ITGB8: variants seen among roughly 807,000 people sequenced by gnomAD.
The protein encoded by ITGB8 is integrin subunit beta 8.
ITGB8 carries 30 observed loss-of-function variants against 89.5 expected under a neutral mutation model. That is an observed-to-expected ratio of 0.34 (90% CI 0.25 to 0.45). ITGB8 has a LOEUF of 0.45. ITGB8 is among the 20% of genes least tolerant of loss of function. ITGB8 has a pLI of 1.00. For synonymous variants in ITGB8, 335 were observed against 320.4 expected (o/e 1.05, Z -0.49); for missense variants, 836 against 933.3 (o/e 0.90, Z 1.36).
chr7:20,398,852 C>T lies in ITGB8; in HGVS notation c.1147-8C>T. Reference sequence around the variant, plus strand: ...CTCGTATGTAATTTAAAAATAATGTCTCTGCAGAAGCTCATTTCAGAAGTG... The same window carrying T: ...CTCGTATGTAATTTAAAAATAATGTTTCTGCAGAAGCTCATTTCAGAAGTG... On this transcript the variant is annotated splice_polypyrimidine_tract_variant and splice_region_variant and intron_variant, in intron 8 of 13. Transcript: ENST00000222573. 6.5e-7 allele frequency: 1 copy of T among 1,539,310 alleles called. No individual in the cohort carries two copies. Among genetic ancestry groups the T allele is most frequent in the Non-Finnish European group, 8.7e-7 (1 of 1,145,032 alleles).
chr7:20,353,919 G>A (rs1323341371), intron 1 of ITGB8, among the ~76,000 whole-genome samples: 18 of 96,850 alleles, frequency 1.9e-4, no homozygotes, highest in African/African-American at 4.1e-4. Context: ...GCGACAGAGC[G>A]AGACTCCGTC....
In ITGB8 at chr7:20,404,708, G is replaced by T. The variant is rs1034650512; in HGVS notation, c.1768G>T (p.Ala590Ser). ...GDRCQCPSAA[A>S]QHCVNSKGQV... ...TCGATGCCAGTGCCCTTCAGCAGCA[G>T]CCCAGCACTGTGTCAATTCAAAGGG... Residue 590 changes from alanine to serine, a missense_variant, in exon 11 of 14, where the codon GCC (alanine) becomes TCC (serine). Transcript: ENST00000222573. 2.5e-6 allele frequency: 4 copies of T among 1,614,180 alleles called. No individual in the cohort carries two copies. Among genetic ancestry groups the T allele is most frequent in the Non-Finnish European group, 3.4e-6 (4 of 1,180,032 alleles).
At chr7:20,377,479 G>A (rs191695663) in intron 3 of ITGB8, 1 of 152,306 alleles carries the variant, frequency 6.6e-6, no homozygotes, top group African/African-American at 2.4e-5. Flanking sequence ...CAGTAGTGTT[G>A]AATTTCTACT....
intron 3 of ITGB8, chr7:20,377,532 T>A (rs975858975): frequency 6.6e-6 from 1 of 152,218 alleles, no homozygotes; most frequent in Non-Finnish European, 1.5e-5. Context: ...AACATTCCCC[T>A]GAATTTAATT....
intron 1 of ITGB8, among the ~76,000 whole-genome samples, chr7:20,350,690 C>T (rs1055831197): frequency 1.3e-5 from 2 of 152,226 alleles, no homozygotes; most frequent in Non-Finnish European, 2.9e-5. Flanking sequence ...TTTATGAAGC[C>T]GAGGCCAGCG....
At chr7:20,384,513 T>C (rs1051483462) in intron 6 of ITGB8, among the ~76,000 whole-genome samples, 1 of 152,220 alleles carries the variant, frequency 6.6e-6, no homozygotes, top group Admixed American at 6.5e-5. Context: ...AATTTATCTT[T>C]ACAACAACTC....
At chr7:20,338,933 C>T (rs368347257) in intron 1 of ITGB8, among the ~76,000 whole-genome samples, 2 of 152,100 alleles carry the variant, frequency 1.3e-5, no homozygotes, top group Non-Finnish European at 2.9e-5. Flanking sequence ...GTGGCTCACA[C>T]CTGTAATCCC....
At chr7:20,390,628 G>C (rs575597370) in intron 6 of ITGB8, among the ~76,000 whole-genome samples, 1 of 152,104 alleles carries the variant, frequency 6.6e-6, no homozygotes, top group African/African-American at 2.4e-5. Flanking sequence ...GATAAGTTGA[G>C]AAATCTGTAA....
In ITGB8 at chr7:20,381,623, C is replaced by T. The variant is rs1016500531; in HGVS notation, c.802-104C>T. ...TTGTACCCACGCACATCGTTCTAGCCTGACTTACTGTTCGTCAACTCAAAC... is the reference window on the plus strand; with the variant it reads ...TTGTACCCACGCACATCGTTCTAGCTTGACTTACTGTTCGTCAACTCAAAC... On this transcript the variant is annotated intron_variant, in intron 5 of 13. Transcript: ENST00000222573. 13 of 821,818 alleles carry T rather than the reference C, an allele frequency of 1.6e-5. No homozygotes were observed. In the Admixed American group the frequency reaches 3.0e-4, roughly 19 times the overall value. 50.9% of individuals were successfully genotyped at this position (821,818 alleles called of 1,614,324 possible).
chr7:20,409,777 A>C lies in ITGB8; in HGVS notation c.2186A>C (p.Lys729Thr). 13 of 1,612,790 alleles carry C rather than the reference A, an allele frequency of 8.1e-6. No homozygotes were observed. Among genetic ancestry groups the C allele is most frequent in the Non-Finnish European group, 1.1e-5 (13 of 1,179,320 alleles). ...SSDYRVSASKKDKLILQSVCT... is the reference protein window; with the variant it reads ...SSDYRVSASKTDKLILQSVCT... The stretch of plus-strand genomic sequence containing the variant: ...GATTACAGAGTGTCAGCCTCAAAAA[A>C]GGTCAGTGAATTCTAAAAAAGAACT... Residue 729 changes from lysine (K) to threonine (T), a missense_variant and splice_region_variant, in exon 13 of 14, where the codon AAG (lysine) becomes ACG (threonine). Lys to Thr is a moderately conservative substitution (Grantham distance 78). This residue lies in a region of ITGB8 where 422 missense variants were observed against 416.9 expected (regional missense o/e 1.01). Transcript: ENST00000222573.
chr7:20,393,248 T>C (rs1194318307), intron 7 of ITGB8, among the ~76,000 whole-genome samples: 1 of 152,238 alleles, frequency 6.6e-6, no homozygotes, highest in East Asian at 1.9e-4. Context: ...TTTCTTCCTA[T>C]TCCTTTAAAA....
chr7:20,406,229 C>G, intron 12 of ITGB8, 58 bp downstream of exon 12: 1 of 1,031,426 alleles, frequency 9.7e-7, no homozygotes, highest in East Asian at 2.4e-5. Context: ...ATGATGTTCC[C>G]CCAAAAGACC....
intron 1 of ITGB8, chr7:20,353,190 C>G (rs1785168750): frequency 2.0e-5 from 3 of 152,352 alleles, no homozygotes; most frequent in African/African-American, 7.2e-5. Context: ...ATTTCTTAAC[C>G]TGCCCAAGGT....
intron 1 of ITGB8, among the ~76,000 whole-genome samples, chr7:20,342,394 G>C (rs757904834): frequency 2.3e-4 from 35 of 152,286 alleles, no homozygotes; most frequent in Admixed American, 1.1e-3. Flanking sequence ...AATTTCCTAA[G>C]GAGGAATTTG....
At chr7:20,387,666 AC>A (rs1786682794) in intron 6 of ITGB8, among the ~76,000 whole-genome samples, 1 of 152,162 alleles carries the variant, frequency 6.6e-6, no homozygotes, top group South Asian at 2.1e-4. Context: ...TTGTGTTGAG[AC>A]CAGGGTGCTG....
chr7:20,348,923 T>G (rs1785018989), intron 1 of ITGB8, among the ~76,000 whole-genome samples: 1 of 152,154 alleles, frequency 6.6e-6, no homozygotes. Flanking sequence ...GCTGGACCAT[T>G]TGGGGAAATA....
At chr7:20,396,301 C>T (rs559863992) in intron 8 of ITGB8, among the ~76,000 whole-genome samples, 117 of 151,990 alleles carry the variant, frequency 7.7e-4, no homozygotes, top group Non-Finnish European at 1.4e-3. Context: ...GGCATGGTGG[C>T]GGGTGCCTGT....
intron 6 of ITGB8, among the ~76,000 whole-genome samples, chr7:20,390,579 G>A (rs930180013): frequency 7.2e-5 from 11 of 151,946 alleles, no homozygotes; most frequent in African/African-American, 2.7e-4. Context: ...AGTAAAGCAG[G>A]TATAAAATAT....
At chr7:20,363,080 G>C (rs968199666) in intron 1 of ITGB8, among the ~76,000 whole-genome samples, 1 of 152,052 alleles carries the variant, frequency 6.6e-6, no homozygotes, top group Non-Finnish European at 1.5e-5. Context: ...TCTGGTTCTG[G>C]TATTCCTCAA....
Sources: allele counts gnomAD v4.1 joint callset (sites outside exome capture counted in the v4.1 genomes callset), GRCh38; gene constraint gnomAD v4.1.1; regional missense constraint gnomAD v4.1.1; transcripts MANE v1.5; gene names NCBI Gene and HGNC (gene_info 2026-07-23, HGNC 2026-07-21).